ESRRG: variants seen among roughly 807,000 people sequenced by gnomAD.
ESRRG encodes the protein estrogen related receptor gamma.
A neutral mutation model predicts 44.0 loss-of-function variants in ESRRG; 13 were observed. The observed-to-expected ratio is 0.30, with a 90% CI of 0.19 to 0.47. The LOEUF (loss-of-function observed/expected upper bound fraction) is 0.47, where lower values mean the gene tolerates loss of function less well. Among genes scored for constraint, ESRRG ranks in the 20% least tolerant of loss-of-function variants. The pLI is 1.00. For synonymous variants in ESRRG, 215 were observed against 214.6 expected (o/e 1.00, Z -0.02); for missense variants, 395 against 580.6 (o/e 0.68, Z 3.29).
rs979981316 is a variant in ESRRG at position 216,564,313 on chromosome 1, A to G, written c.768T>C (p.Thr256=). Residue 256 remains threonine (T), a synonymous_variant, in exon 5 of 7, where the codon ACT becomes ACC. Transcript: ENST00000408911. ...GGGCTTTGATGTCACTGTCGGGGAC[A>G]GTAGGGTCAGGCATGGCATAGATCT... The part of the protein sequence containing the change: ...PEKIYAMPDP[T]VPDSDIKALT... 1.2e-6 allele frequency: 2 copies of G among 1,612,232 alleles called. No homozygotes were observed.
At chr1:216,627,423 A>G (rs2063368235) in intron 3 of ESRRG, among the ~76,000 whole-genome samples, 1 of 152,142 alleles carries the variant, frequency 6.6e-6, no homozygotes, top group East Asian at 1.9e-4. Context: ...GGCTTCCTCA[A>G]CACATCTCAG....
In ESRRG at chr1:216,904,398, GGGATATTCT is replaced by G. The variant is rs202241891; in HGVS notation, c.-14+35175_-14+35183del. ...CCCTCTGTTAAACTTCAAAGTTTAGGGGATATTCTGGATATTCTGGTAAATGTAGTGTGA... is the reference window on the plus strand; with the variant it reads ...CCCTCTGTTAAACTTCAAAGTTTAGGGGATATTCTGGTAAATGTAGTGTGA... On this transcript the variant is annotated intron_variant, in intron 2 of 7. Coordinates refer to the ESRRG transcript ENST00000359162. 1.8e-3 allele frequency among the ~76,000 whole-genome samples: 275 copies of G among 152,236 alleles called. 8 individuals carry two copies. The East Asian group carries it at 0.048, about 26-fold the overall frequency.
At chr1:217,040,911 A>G (rs1398975496) in intron 1 of ESRRG, among the ~76,000 whole-genome samples, 1 of 152,224 alleles carries the variant, frequency 6.6e-6, no homozygotes, top group Non-Finnish European at 1.5e-5. Flanking sequence ...TAAAGGAAAT[A>G]CATACCAGAT....
intron 2 of ESRRG, among the ~76,000 whole-genome samples, chr1:216,837,898 G>T (rs1420473488): frequency 2.0e-5 from 3 of 152,144 alleles, no homozygotes; most frequent in South Asian, 2.1e-4. Context: ...AGGTGTTTTT[G>T]TCATTGTTGT....
intron 2 of ESRRG, among the ~76,000 whole-genome samples, chr1:216,758,285 A>C (rs980010627): frequency 1.3e-5 from 2 of 152,042 alleles, no homozygotes; most frequent in Non-Finnish European, 2.9e-5. Context: ...TCATGTTGGA[A>C]GGGCCTCCGT....
intron 6 of ESRRG, among the ~76,000 whole-genome samples, chr1:216,510,580 T>C (rs996744945): frequency 1.3e-5 from 2 of 152,158 alleles, no homozygotes; most frequent in Non-Finnish European, 2.9e-5. Flanking sequence ...CCCTTCTCTA[T>C]GTTAGAAAAT....
chr1:216,745,995 A>G (rs188547274), intron 2 of ESRRG, among the ~76,000 whole-genome samples: 2 of 152,312 alleles, frequency 1.3e-5, no homozygotes, highest in East Asian at 1.9e-4. Flanking sequence ...TTGAACACCT[A>G]CTATGTCTTA....
intron 1 of ESRRG, among the ~76,000 whole-genome samples, chr1:216,981,034 C>G (rs973183267): frequency 1.3e-5 from 2 of 152,092 alleles, no homozygotes; most frequent in African/African-American, 4.8e-5. Context: ...TATTAAGTAC[C>G]TACTAAGGCA....
chr1:216,506,467 A>C lies in ESRRG; in HGVS notation c.*472T>G, dbSNP rs2041227010. On this transcript the variant is annotated 3_prime_UTR_variant, in exon 7 of 7. Transcript: ENST00000408911. ...TCAAGAGGAAAGGAAAGGAAAGGGA[A>C]AAGGAAAGGGAAAAAGGAAAGAAAG... 8 of 343,180 alleles carry C rather than the reference A, an allele frequency of 2.3e-5. No individual in the cohort carries two copies. The highest frequency in any genetic ancestry group is 1.7e-4 in the South Asian group (7 of 42,364). The allele number at this position is 343,180 out of a possible 1,614,324, so 21.3% of individuals were successfully genotyped here.
At chr1:217,028,830 T>C (rs2081592157) in intron 1 of ESRRG, among the ~76,000 whole-genome samples, 1 of 152,150 alleles carries the variant, frequency 6.6e-6, no homozygotes, top group Non-Finnish European at 1.5e-5. Flanking sequence ...GCCTTGTACT[T>C]GCATTGAAAA....
chr1:216,541,588 GTGTGTGTGTGTGTGTGTGTA>G (rs749968608), intron 5 of ESRRG, among the ~76,000 whole-genome samples: 10 of 139,034 alleles, frequency 7.2e-5, no homozygotes, highest in African/African-American at 2.4e-4. Flanking sequence ...GTGTGTGTGT[GTGTGTGTGTGTGTGTGTGTA>G]TGTGATCAGC....
At chr1:217,037,949 C>G (rs972628685) in intron 1 of ESRRG, among the ~76,000 whole-genome samples, 3 of 152,202 alleles carry the variant, frequency 2.0e-5, no homozygotes, top group Non-Finnish European at 4.4e-5. Flanking sequence ...CTCCCTGTCT[C>G]ACATCCAGGT....
At chr1:216,913,144 C>T (rs1467656835) in intron 2 of ESRRG, among the ~76,000 whole-genome samples, 2 of 136,626 alleles carry the variant, frequency 1.5e-5, no homozygotes, top group Non-Finnish European at 3.2e-5. Context: ...GAAAGAAAGA[C>T]AGAAAAACGA....
At chr1:217,058,036 A>G (rs2087511287) in intron 1 of ESRRG, among the ~76,000 whole-genome samples, 1 of 152,162 alleles carries the variant, frequency 6.6e-6, no homozygotes, top group Non-Finnish European at 1.5e-5. Context: ...AGAAATACTA[A>G]TAACTATAAT....
rs1428666746 is a variant in ESRRG, at chr1:216,689,256, A to G, written c.57-11765T>C. 2.6e-5 allele frequency among the ~76,000 whole-genome samples: 4 copies of G among 152,284 alleles called. No homozygotes were observed. The East Asian group carries it at 7.7e-4, about 29-fold the overall frequency. Reference sequence around the variant, plus strand: ...CCACAGGCATCCATTACAAAATGCAAAAAAGGTACCATGTGAATACTGGGG... The same window carrying G: ...CCACAGGCATCCATTACAAAATGCAGAAAAGGTACCATGTGAATACTGGGG... On this transcript the variant is annotated intron_variant, in intron 1 of 6. Coordinates refer to ENST00000408911, the MANE Select transcript of ESRRG (RefSeq NM_001438.4).
intron 2 of ESRRG, among the ~76,000 whole-genome samples, chr1:216,781,098 T>C (rs554150585): frequency 6.6e-6 from 1 of 152,108 alleles, no homozygotes; most frequent in South Asian, 2.1e-4. Flanking sequence ...CCAAAACAAA[T>C]AAGAAATACA....
At chr1:216,855,887 C>G (rs1308673031) in intron 2 of ESRRG, among the ~76,000 whole-genome samples, 1 of 152,140 alleles carries the variant, frequency 6.6e-6, no homozygotes, top group Non-Finnish European at 1.5e-5. Context: ...ATTTCTTTCT[C>G]TCATGTTTAT....
chr1:216,815,385 G>A (rs1366245599), intron 2 of ESRRG, among the ~76,000 whole-genome samples: 2 of 152,186 alleles, frequency 1.3e-5, no homozygotes, highest in Non-Finnish European at 2.9e-5. Context: ...ACAGCTGGGA[G>A]CCAACTGAGG....
At chr1:216,970,858 A>T (rs2150288393) in intron 1 of ESRRG, among the ~76,000 whole-genome samples, 1 of 152,296 alleles carries the variant, frequency 6.6e-6, no homozygotes, top group South Asian at 2.1e-4. Context: ...CAGGGAAGGG[A>T]ATATATCTGG....
Sources: allele counts gnomAD v4.1 joint callset (sites outside exome capture counted in the v4.1 genomes callset), GRCh38; gene constraint gnomAD v4.1.1; transcripts MANE v1.5; gene names NCBI Gene and HGNC (gene_info 2026-07-23, HGNC 2026-07-21).